The following NDRG3 variants were observed in gnomAD, a reference collection of about 807,000 sequenced individuals.
NDRG3 encodes the protein protein NDRG3.
A neutral mutation model predicts 57.2 loss-of-function variants in NDRG3; 23 were observed. The ratio of observed to expected loss-of-function variants is 0.40; its 90% confidence interval spans 0.29 to 0.57. The LOEUF (loss-of-function observed/expected upper bound fraction) is 0.57, where lower values mean the gene tolerates loss of function less well. Among genes scored for constraint, NDRG3 ranks in the 20% least tolerant of loss-of-function variants. NDRG3 has a pLI of 0.42. For missense variants in NDRG3, 384 were observed against 457.3 expected (o/e 0.84, Z 1.46); for synonymous variants, 132 against 162.6 (o/e 0.81, Z 1.43).
intron 2 of NDRG3, among the ~76,000 whole-genome samples, chr20:36,707,482 G>A (rs1031109545): frequency 6.6e-6 from 1 of 152,174 alleles, no homozygotes; most frequent in Non-Finnish European, 1.5e-5. Flanking sequence ...GGATGGATCA[G>A]AAATGAAAGC....
At chr20:36,679,308 C>A (rs1981032949) in intron 8 of NDRG3, among the ~76,000 whole-genome samples, 1 of 152,114 alleles carries the variant, frequency 6.6e-6, no homozygotes, top group Non-Finnish European at 1.5e-5. Flanking sequence ...TAAAGCTAAA[C>A]ATACAAATGC....
chr20:36,700,826 T>C (rs1406587369), intron 3 of NDRG3, among the ~76,000 whole-genome samples: 2 of 152,060 alleles, frequency 1.3e-5, no homozygotes, highest in African/African-American at 4.8e-5. Context: ...TAGGCTGGAG[T>C]CCAGTGGTGT....
intron 1 of NDRG3, among the ~76,000 whole-genome samples, chr20:36,738,496 C>T (rs1985725701): frequency 6.6e-6 from 1 of 151,162 alleles, no homozygotes; most frequent in Non-Finnish European, 1.5e-5. Flanking sequence ...GAGCAAAACT[C>T]CTTTGCAAAA....
At chr20:36,723,156 TTC>T (rs1288910575) in intron 1 of NDRG3, among the ~76,000 whole-genome samples, 1 of 152,168 alleles carries the variant, frequency 6.6e-6, no homozygotes, top group East Asian at 1.9e-4. Flanking sequence ...GCTCCCAAGT[TTC>T]TGACCCACAG....
chr20:36,722,531 A>C (rs575632951), intron 1 of NDRG3, among the ~76,000 whole-genome samples: 3 of 152,336 alleles, frequency 2.0e-5, no homozygotes, highest in African/African-American at 7.2e-5. Flanking sequence ...TAAAGAAACA[A>C]CATACTCAAA....
chr20:36,690,857 G>C (rs946485176), intron 3 of NDRG3, among the ~76,000 whole-genome samples: 1 of 152,150 alleles, frequency 6.6e-6, no homozygotes, highest in Non-Finnish European at 1.5e-5. Flanking sequence ...GATGCACCGA[G>C]CAAAGCTCAG....
At chr20:36,699,983 G>A (rs1983104968) in intron 3 of NDRG3, among the ~76,000 whole-genome samples, 2 of 151,778 alleles carry the variant, frequency 1.3e-5, no homozygotes, top group East Asian at 1.9e-4. Flanking sequence ...AGCCAGGCGC[G>A]GAGGCAAGCG....
chr20:36,653,466 T>G lies in NDRG3; in HGVS notation c.*54A>C. 1 of 1,514,636 alleles carries G rather than the reference T, an allele frequency of 6.6e-7. No homozygotes were observed. 93.8% of individuals were successfully genotyped at this position (1,514,636 alleles called of 1,614,324 possible). Reference sequence around the variant, plus strand: ...GTTTACTGGATGAAATGTTATATTATGGAGTGGTCATTTGAAGGATGGACT... The same window carrying G: ...GTTTACTGGATGAAATGTTATATTAGGGAGTGGTCATTTGAAGGATGGACT... On this transcript the variant is annotated 3_prime_UTR_variant, in exon 16 of 16. Coordinates refer to ENST00000349004, the MANE Select transcript of NDRG3 (RefSeq NM_032013.4). The surrounding 1 kb of genome is among the most constrained non-coding windows in gnomAD (Gnocchi z 4.2).
At chr20:36,722,614 A>G (rs914512327) in intron 1 of NDRG3, among the ~76,000 whole-genome samples, 1 of 152,132 alleles carries the variant, frequency 6.6e-6, no homozygotes, top group Admixed American at 6.6e-5. Context: ...CAGGATGAGG[A>G]CTTGAATTAG....
chr20:36,720,385 C>T (rs993928031), intron 2 of NDRG3, among the ~76,000 whole-genome samples: 1 of 152,042 alleles, frequency 6.6e-6, no homozygotes, highest in African/African-American at 2.4e-5. Flanking sequence ...GTTGGCGAGG[C>T]TGATCTCAAA....
intron 6 of NDRG3, among the ~76,000 whole-genome samples, chr20:36,683,643 T>C (rs1451444396): frequency 1.4e-5 from 2 of 144,110 alleles, no homozygotes; most frequent in African/African-American, 2.8e-5. Context: ...TAAATAAATA[T>C]ATGTATATAT....
chr20:36,737,149 G>A (rs1440729545), intron 1 of NDRG3, among the ~76,000 whole-genome samples: 2 of 152,136 alleles, frequency 1.3e-5, no homozygotes, highest in African/African-American at 4.8e-5. Context: ...ATAAATAACT[G>A]CTAGAACAAA....
chr20:36,679,151 G>T (rs1981022090), intron 8 of NDRG3, among the ~76,000 whole-genome samples: 1 of 152,264 alleles, frequency 6.6e-6, no homozygotes, highest in Admixed American at 6.5e-5. Flanking sequence ...TAGAGACAGG[G>T]TTTTGCCATG....
At chr20:36,730,809 G>A (rs540371248) in intron 1 of NDRG3, among the ~76,000 whole-genome samples, 2 of 151,788 alleles carry the variant, frequency 1.3e-5, no homozygotes, top group South Asian at 2.1e-4. Context: ...TTAGCCAGGC[G>A]TGGTGGTAAT....
chr20:36,675,685 C>T (rs936390225), intron 8 of NDRG3, among the ~76,000 whole-genome samples: 5 of 151,826 alleles, frequency 3.3e-5, no homozygotes, highest in Admixed American at 1.3e-4. Context: ...TGCACCTGGC[C>T]TACTTTTAAA....
intron 12 of NDRG3, among the ~76,000 whole-genome samples, chr20:36,664,790 A>G (rs1403458320): frequency 6.6e-6 from 1 of 152,060 alleles, no homozygotes; most frequent in Non-Finnish European, 1.5e-5. Flanking sequence ...CCTGAGCTCA[A>G]GCAATCCTCC....
intron 4 of NDRG3, among the ~76,000 whole-genome samples, chr20:36,688,474 C>T (rs35083546): frequency 0.12 from 18,132 of 152,060 alleles, 1,485 homozygotes; most frequent in Middle Eastern, 0.2. Context: ...GACATGAAGG[C>T]GAGATGTGAT....
At chr20:36,684,522 C>A (rs558369387) in intron 5 of NDRG3, 47 bp from the exon 6 acceptor site, 3 of 1,522,090 alleles carry the variant, frequency 2.0e-6, no homozygotes, top group African/African-American at 1.4e-5. Flanking sequence ...ACTCACAATT[C>A]CCAGTTGCTA....
chr20:36,746,079 A>AGCG lies in NDRG3; in HGVS notation c.-86_-84dup, dbSNP rs11466997. 5.7e-3 allele frequency: 1,430 copies of AGCG among 251,326 alleles called. 10 individuals carry two copies. Among genetic ancestry groups the AGCG allele is most frequent in the East Asian group, 0.027 (296 of 10,946 alleles). The allele number at this position is 251,326 out of a possible 1,614,324, so 15.6% of individuals were successfully genotyped here. ...GGGCACCCGCCGTCAGTGCAGCAGC[A>AGCG]GCGGCGGCGGCGGCGGCGGCGGCGG... On this transcript the variant is annotated 5_prime_UTR_variant, in exon 1 of 16. Transcript: ENST00000349004.
Sources: allele counts gnomAD v4.1 joint callset (sites outside exome capture counted in the v4.1 genomes callset), GRCh38; gene constraint gnomAD v4.1.1; non-coding constraint Gnocchi (gnomAD v3.1); transcripts MANE v1.5; gene names NCBI Gene and HGNC (gene_info 2026-07-23, HGNC 2026-07-21).